The following RELN variants were observed in gnomAD, a reference collection of about 807,000 sequenced individuals.
RELN encodes reelin.
A neutral mutation model predicts 427.6 loss-of-function variants in RELN; 108 were observed. That is an observed-to-expected ratio of 0.25 (90% CI 0.22 to 0.30). RELN has a LOEUF of 0.30. RELN is among the 10% of genes least tolerant of loss of function. The pLI, the probability that RELN is intolerant of heterozygous loss-of-function variation, is 1.00. For missense variants in RELN, 3,715 were observed against 4,302.8 expected (o/e 0.86, Z 3.82); for synonymous variants, 1,524 against 1,513.4 (o/e 1.01, Z -0.16).
At chr7:103,770,657 T>G (rs78659549) in intron 4 of RELN, among the ~76,000 whole-genome samples, 14 of 44,686 alleles carry the variant, frequency 3.1e-4, no homozygotes, top group African/African-American at 1.2e-3. Context: ...TTTAAAAATT[T>G]TTTTTTTTAA....
At position 103,670,950 on chromosome 7, in the gene RELN, A is replaced by T. The variant is rs541270514; in HGVS notation, c.1290-9423T>A. Among the ~76,000 whole-genome samples, 4 of 152,228 alleles carry T rather than the reference A, an allele frequency of 2.6e-5. No homozygotes were observed. In the South Asian group the frequency reaches 6.2e-4, roughly 24 times the overall value. On this transcript the variant is annotated intron_variant, in intron 11 of 64. Coordinates refer to ENST00000428762, the MANE Select transcript of RELN (RefSeq NM_005045.4). ...CTTTAAGTATGAACTAAGATCCAGA[A>T]TAAAGCCTGGCTATAAGATCCTATA...
chr7:103,776,722 T>C (rs2116212647), intron 3 of RELN, 95 bp from the exon 4 acceptor site: 4 of 1,213,354 alleles, frequency 3.3e-6, no homozygotes, highest in East Asian at 2.4e-5. Flanking sequence ...TCTTAAACTT[T>C]ATTGTGTGGA....
intron 40 of RELN, among the ~76,000 whole-genome samples, chr7:103,552,254 T>G (rs1830429770): frequency 6.6e-6 from 1 of 152,146 alleles, no homozygotes; most frequent in Admixed American, 6.5e-5. Flanking sequence ...ATTCTTTCTA[T>G]AAAAAATTTC....
intron 36 of RELN, among the ~76,000 whole-genome samples, chr7:103,558,996 T>A (rs1830584451): frequency 6.6e-6 from 1 of 152,170 alleles, no homozygotes. Flanking sequence ...CTGAAAAAAA[T>A]TTAAGTAGAG....
Position 103,545,192 on chromosome 7 carries a change from G to C in RELN, c.6455C>G (p.Pro2152Arg), listed in dbSNP as rs780460414. The C allele has an allele frequency of 6.2e-7, 1 of 1,614,042 alleles. No homozygotes were observed. The highest frequency in any genetic ancestry group is 8.5e-7 in the Non-Finnish European group (1 of 1,180,042). Reference protein sequence around the residue: ...CINGTKCICDPGYSGPTCKIS... With the variant: ...CINGTKCICDRGYSGPTCKIS... ...TTTACAGGTTGGACCTGAGTAGCCA[G>C]GGTCACATATACATTTGGTTCCATT... The change falls in exon 42 of 65, where the codon CCT becomes CGT. Residue 2152 changes from proline to arginine, a missense_variant. By Grantham distance (103) the Pro-to-Arg change is moderately radical. Around this residue, in one of 4 missense-constraint regions of RELN, gnomAD observed 1,310 missense variants for 1,643.0 expected, o/e 0.80. Coordinates refer to ENST00000428762, the MANE Select transcript of RELN (RefSeq NM_005045.4).
intron 34 of RELN, among the ~76,000 whole-genome samples, chr7:103,564,865 C>T (rs987626955): frequency 6.6e-6 from 1 of 151,986 alleles, no homozygotes; most frequent in African/African-American, 2.4e-5. Flanking sequence ...AGATGCAAAA[C>T]AATATGAGCA....
At chr7:103,970,058 C>T (rs938606807) in intron 1 of RELN, among the ~76,000 whole-genome samples, 13 of 152,082 alleles carry the variant, frequency 8.5e-5, no homozygotes, top group African/African-American at 3.1e-4. Flanking sequence ...TCACCGGATA[C>T]TCAACCCCAC....
At chr7:103,826,466 A>G (rs575337563) in intron 3 of RELN, among the ~76,000 whole-genome samples, 36 of 152,168 alleles carry the variant, frequency 2.4e-4, no homozygotes, top group African/African-American at 7.9e-4. Flanking sequence ...ATTTTTAATA[A>G]GGCCTTAATA....
intron 5 of RELN, among the ~76,000 whole-genome samples, chr7:103,750,258 G>T (rs780954067): frequency 6.6e-6 from 1 of 152,168 alleles, no homozygotes; most frequent in African/African-American, 2.4e-5. Context: ...GGTTACAGGC[G>T]TGAGCCACTG....
At chr7:103,587,643 T>C (rs923602498) in intron 28 of RELN, among the ~76,000 whole-genome samples, 1 of 151,868 alleles carries the variant, frequency 6.6e-6, no homozygotes, top group Non-Finnish European at 1.5e-5. Context: ...GGGACCAATA[T>C]AATAGGAATA....
chr7:103,979,824 A>G (rs376955922), intron 1 of RELN, among the ~76,000 whole-genome samples: 2 of 152,312 alleles, frequency 1.3e-5, no homozygotes, highest in East Asian at 3.9e-4. Flanking sequence ...TTCAAATCCT[A>G]TATAAGTTCT....
chr7:103,654,274 A>G, intron 12 of RELN, 69 bp from the exon 13 acceptor site: 1 of 833,188 alleles, frequency 1.2e-6, no homozygotes. Flanking sequence ...ATATAGTGTT[A>G]AATTTCAGAA....
At chr7:103,965,340 A>G (rs1055340115) in intron 1 of RELN, among the ~76,000 whole-genome samples, 1 of 152,256 alleles carries the variant, frequency 6.6e-6, no homozygotes, top group Admixed American at 6.5e-5. Context: ...CAGAAGTCAC[A>G]ACCAATGAAG....
intron 6 of RELN, among the ~76,000 whole-genome samples, chr7:103,737,636 G>A (rs1057230733): frequency 6.6e-6 from 1 of 152,184 alleles, no homozygotes; most frequent in African/African-American, 2.4e-5. Context: ...AGACAATTAT[G>A]TTTCTCAAAG....
intron 2 of RELN, among the ~76,000 whole-genome samples, chr7:103,868,841 T>C (rs1794261725): frequency 6.6e-6 from 1 of 152,138 alleles, no homozygotes. Flanking sequence ...ACCTTTGTCT[T>C]GACATTTTGT....
Position 103,697,840 on chromosome 7 carries a change from A to G in RELN, c.1143+13T>C, listed in dbSNP as rs200774629. ...AGGATTAAAACAACCCAAAAACTAA[A>G]AAGAGCTCTAACCTTAACTGTAGCT... On this transcript the variant is annotated intron_variant, in intron 10 of 64. Transcript: ENST00000428762. 7.8e-5 allele frequency: 126 copies of G among 1,613,466 alleles called. No individual in the cohort carries two copies. Among genetic ancestry groups the G allele is most frequent in the Admixed American group, 1.5e-4 (9 of 59,892 alleles).
chr7:103,607,470 T>G lies in RELN; in HGVS notation c.3009-2987A>C, dbSNP rs533875457. On this transcript the variant is annotated intron_variant, in intron 22 of 64. Transcript: ENST00000428762. ...CAATACAAATATTTAAATTGCCAAG[T>G]TTTTCTTTCTCTACCTCTCAAAACT... 5.3e-5 allele frequency among the ~76,000 whole-genome samples: 8 copies of G among 152,292 alleles called. 1 individual carries two copies. The South Asian group carries it at 1.0e-3, about 20-fold the overall frequency.
chr7:103,864,155 G>A (rs1031767981), intron 2 of RELN, among the ~76,000 whole-genome samples: 3 of 152,122 alleles, frequency 2.0e-5, no homozygotes, highest in African/African-American at 4.8e-5. Flanking sequence ...TCTGTCAACC[G>A]TAATTGAAAT....
At chr7:103,618,686 T>C (rs1320395683) in intron 20 of RELN, among the ~76,000 whole-genome samples, 2 of 152,252 alleles carry the variant, frequency 1.3e-5, no homozygotes, top group African/African-American at 4.8e-5. Context: ...TTCAGCTTTT[T>C]CATTCCCATT....
Sources: gnomAD v4.1 joint callset for allele counts (sites outside exome capture counted in the v4.1 genomes callset) on GRCh38, gnomAD v4.1.1 for gene constraint, gnomAD v4.1.1 regional missense constraint, MANE v1.5 for transcripts, NCBI Gene and HGNC (gene_info 2026-07-23, HGNC 2026-07-21) for gene names.